NTM: variants seen among roughly 807,000 people sequenced by gnomAD.
NTM encodes IgLON family member 2.
In NTM, 13 loss-of-function variants were observed where a neutral mutation model predicts 42.1. That is an observed-to-expected ratio of 0.31 (90% CI 0.20 to 0.49). The LOEUF (loss-of-function observed/expected upper bound fraction) is 0.49. Among genes scored for constraint, NTM ranks in the 20% least tolerant of loss-of-function variants. The pLI, the probability that NTM is intolerant of heterozygous loss-of-function variation, is 0.99. For synonymous variants in NTM, 187 were observed against 179.2 expected, an observed-to-expected ratio of 1.04 and a Z score of -0.35; for missense variants, 373 against 452.8, an observed-to-expected ratio of 0.82 and a Z score of 1.60.
At chr11:131,958,706 C>G (rs1335695326) in intron 2 of NTM, among the ~76,000 whole-genome samples, 1 of 152,180 alleles carries the variant, frequency 6.6e-6, no homozygotes, top group Admixed American at 6.5e-5. Flanking sequence ...ACAAACCAAG[C>G]AACTTGATGA....
intron 1 of NTM, among the ~76,000 whole-genome samples, chr11:131,712,548 C>T (rs903596128): frequency 1.3e-5 from 2 of 152,152 alleles, no homozygotes; most frequent in Non-Finnish European, 2.9e-5. Context: ...TTCCCCTTCT[C>T]TTCCTACTTC....
intron 1 of NTM, among the ~76,000 whole-genome samples, chr11:131,443,902 C>T (rs1949815159): frequency 6.6e-6 from 1 of 152,164 alleles, no homozygotes; most frequent in African/African-American, 2.4e-5. Context: ...TCCATACCTA[C>T]ATTTGAGTCT....
chr11:132,297,425 G>T (rs1366764576), intron 4 of NTM, among the ~76,000 whole-genome samples: 5 of 152,160 alleles, frequency 3.3e-5, no homozygotes, highest in African/African-American at 1.2e-4. Context: ...CCTTCTATGT[G>T]CAAGAAGCCT....
At chr11:131,584,791 C>T (rs1418719026) in intron 1 of NTM, among the ~76,000 whole-genome samples, 11 of 152,204 alleles carry the variant, frequency 7.2e-5, no homozygotes. Flanking sequence ...GTCTCTGGTT[C>T]GCCGAGAGGC....
At chr11:131,413,936 G>C (rs941019689) in intron 1 of NTM, among the ~76,000 whole-genome samples, 1 of 152,206 alleles carries the variant, frequency 6.6e-6, no homozygotes, top group Non-Finnish European at 1.5e-5. Context: ...GAAAGGCAGA[G>C]GGAAGGTGCA....
chr11:132,252,183 A>G (rs75747222), intron 4 of NTM, among the ~76,000 whole-genome samples: 1 of 41,940 alleles, frequency 2.4e-5, no homozygotes, highest in African/African-American at 1.2e-4. Context: ...CCTCATCTTT[A>G]TCTTAGCATT....
At chr11:131,458,232 C>T (rs1207510389) in intron 1 of NTM, among the ~76,000 whole-genome samples, 2 of 152,150 alleles carry the variant, frequency 1.3e-5, no homozygotes, top group African/African-American at 4.8e-5. Context: ...GAGCAATCAA[C>T]AGTACAAGTG....
chr11:132,257,462 C>T, intron 4 of NTM, among the ~76,000 whole-genome samples: 1 of 152,240 alleles, frequency 6.6e-6, no homozygotes, highest in East Asian at 1.9e-4. Flanking sequence ...CAGGTAAGAG[C>T]TAACGGCATC....
At chr11:131,695,387 C>T (rs1364359411) in intron 1 of NTM, among the ~76,000 whole-genome samples, 3 of 152,146 alleles carry the variant, frequency 2.0e-5, no homozygotes, top group African/African-American at 7.2e-5. Context: ...AATGACTTTA[C>T]GCAAACCTTC....
intron 2 of NTM, among the ~76,000 whole-genome samples, chr11:132,021,466 C>A (rs2074322615): frequency 1.3e-5 from 2 of 151,954 alleles, no homozygotes; most frequent in Non-Finnish European, 2.9e-5. Flanking sequence ...TTTAAGTGCA[C>A]GTTTTAGAAA....
At chr11:131,922,655 C>T (rs922454422) in intron 2 of NTM, among the ~76,000 whole-genome samples, 2 of 152,180 alleles carry the variant, frequency 1.3e-5, no homozygotes, top group Admixed American at 6.5e-5. Context: ...AAGCCACCAC[C>T]GTCTCTCCTC....
intron 1 of NTM, among the ~76,000 whole-genome samples, chr11:131,615,963 T>C (rs1027601456): frequency 1.4e-4 from 21 of 152,226 alleles, no homozygotes; most frequent in African/African-American, 4.6e-4. Context: ...GAGCCGAATG[T>C]AAGAAGCAAG....
intron 1 of NTM, among the ~76,000 whole-genome samples, chr11:131,713,661 G>T (rs1283337262): frequency 1.3e-5 from 2 of 152,038 alleles, no homozygotes; most frequent in South Asian, 2.1e-4. Flanking sequence ...TCTTACTCAG[G>T]CCAGCTTCTC....
intron 1 of NTM, among the ~76,000 whole-genome samples, chr11:131,745,890 C>A (rs1565494140): frequency 6.6e-6 from 1 of 152,108 alleles, no homozygotes; most frequent in Non-Finnish European, 1.5e-5. Context: ...CCTTTTCAGT[C>A]TGCAAAAAAC....
intron 2 of NTM, among the ~76,000 whole-genome samples, chr11:132,008,893 C>T (rs558444950): frequency 1.3e-5 from 2 of 150,646 alleles, no homozygotes; most frequent in South Asian, 4.2e-4. Flanking sequence ...TTGTCAGAGC[C>T]CTAGGAGTTT....
chr11:131,969,956 C>T (rs2063327042), intron 2 of NTM, among the ~76,000 whole-genome samples: 1 of 152,194 alleles, frequency 6.6e-6, no homozygotes, highest in African/African-American at 2.4e-5. Flanking sequence ...GCAGGGACCA[C>T]AAGTGCGCAG....
intron 1 of NTM, among the ~76,000 whole-genome samples, chr11:131,838,895 C>G (rs1365874856): frequency 6.6e-6 from 1 of 151,654 alleles, no homozygotes; most frequent in Admixed American, 6.6e-5. Flanking sequence ...TTCCTGCCCT[C>G]TTTGGGTTTA....
At chr11:131,850,658 G>A (rs896558086) in intron 1 of NTM, among the ~76,000 whole-genome samples, 1 of 152,220 alleles carries the variant, frequency 6.6e-6, no homozygotes, top group African/African-American at 2.4e-5. Context: ...TGATCAGAAG[G>A]GTCTAATGAG....
chr11:131,410,346 C>A (rs112825727), intron 1 of NTM, among the ~76,000 whole-genome samples: 1,617 of 151,718 alleles, frequency 0.011, 32 homozygotes, highest in African/African-American at 0.037. Context: ...ATTAGCCAGG[C>A]CTGGTGGTGC....
Sources: gnomAD v4.1 joint callset for allele counts (sites outside exome capture counted in the v4.1 genomes callset) on GRCh38, gnomAD v4.1.1 for gene constraint, MANE v1.5 for transcripts, NCBI Gene and HGNC (gene_info 2026-07-23, HGNC 2026-07-21) for gene names.